Variants in SLC36A4 observed in about 807,000 individuals in gnomAD.
SLC36A4 encodes solute carrier family 36 member 4, also known as neutral amino acid uniporter 4.
Under a neutral mutation model 50.5 loss-of-function variants are expected in SLC36A4, and 49 were observed. That is an observed-to-expected ratio of 0.97 (90% CI 0.77 to 1.23). The LOEUF is 1.23. Among genes scored for constraint, SLC36A4 ranks in the 50% most tolerant of loss-of-function variants. SLC36A4 has a pLI of 0.00. For missense variants in SLC36A4, 611 were observed against 608.4 expected (o/e 1.00, Z -0.05); for synonymous variants, 207 against 206.5 (o/e 1.00, Z -0.02).
In SLC36A4 at chr11:93,172,056, T is replaced by A. The variant is rs183158334; in HGVS notation, c.541-3885A>T. The A allele has an allele frequency of 1.1e-4, 16 of 152,178 alleles. No homozygotes were observed. In the East Asian group the frequency reaches 3.1e-3, roughly 29 times the overall value. 9.4% of individuals were successfully genotyped at this position (152,178 alleles called of 1,614,324 possible). ...ACACCTGTGTCTGATGGTTTACAGA[T>A]TTTTCTGCCAGAAAATGTGTATAAG... On this transcript the variant is annotated intron_variant, in intron 6 of 10. Transcript: ENST00000326402.
At chr11:93,154,497 A>C in intron 9 of SLC36A4, 1 of 257,172 alleles carries the variant, frequency 3.9e-6, no homozygotes, top group Non-Finnish European at 7.2e-6. Context: ...AAGCTTGAAC[A>C]TGCATGCCAG....
chr11:93,177,122 T>C (rs1268425658), intron 6 of SLC36A4, among the ~76,000 whole-genome samples: 1 of 152,222 alleles, frequency 6.6e-6, no homozygotes, highest in African/African-American at 2.4e-5. Flanking sequence ...TTTCACATAG[T>C]TCCATATTTC....
intron 9 of SLC36A4, chr11:93,160,585 C>G: frequency 8.1e-6 from 8 of 985,374 alleles, no homozygotes; most frequent in Non-Finnish European, 8.4e-6. Flanking sequence ...TTGTGAATAC[C>G]AAAAGCATTC....
intron 1 of SLC36A4, among the ~76,000 whole-genome samples, chr11:93,192,827 A>T (rs1235043911): frequency 6.6e-6 from 1 of 152,110 alleles, no homozygotes; most frequent in Non-Finnish European, 1.5e-5. Context: ...ATATCATCTG[A>T]TTTACATTTT....
At chr11:93,184,567 A>C in intron 2 of SLC36A4, 47 bp from the exon 3 acceptor site, 1 of 1,112,434 alleles carries the variant, frequency 9.0e-7, no homozygotes, top group Non-Finnish European at 1.4e-6. Flanking sequence ...AACAAAATCT[A>C]TTATAACATG....
At chr11:93,185,949 T>A in intron 1 of SLC36A4, 135 bp from the exon 2 acceptor site, 1 of 665,494 alleles carries the variant, frequency 1.5e-6, no homozygotes, top group Non-Finnish European at 2.3e-6. Context: ...TAGTTCATAC[T>A]AATACCCTGA....
At chr11:93,148,916 T>G (rs1859953189) in intron 10 of SLC36A4, 72 bp from the exon 11 acceptor site, 1 of 1,274,766 alleles carries the variant, frequency 7.8e-7, no homozygotes, top group South Asian at 1.3e-5. Flanking sequence ...ACAGTAAGTA[T>G]TTTCAATACT....
At chr11:93,177,069 C>T in intron 6 of SLC36A4, among the ~76,000 whole-genome samples, 1 of 152,160 alleles carries the variant, frequency 6.6e-6, no homozygotes, top group East Asian at 1.9e-4. Flanking sequence ...CTCCATTCTC[C>T]CCAACACTTT....
At chr11:93,193,872 G>GCTAGT (rs536505155) in intron 1 of SLC36A4, among the ~76,000 whole-genome samples, 1 of 152,234 alleles carries the variant, frequency 6.6e-6, no homozygotes, top group South Asian at 2.1e-4. Flanking sequence ...ATGCAGAAGA[G>GCTAGT]GATTTTGCAC....
chr11:93,184,502 C>T lies in SLC36A4; in HGVS notation c.198G>A (p.Met66Ile), dbSNP rs1157703042. 2 of 1,606,212 alleles carry T rather than the reference C, an allele frequency of 1.2e-6. No homozygotes were observed. Among genetic ancestry groups the T allele is most frequent in the South Asian group, 1.1e-5 (1 of 90,600 alleles). Residue 66 changes from methionine (M) to isoleucine (I), a missense_variant, in exon 3 of 11, where the codon ATG (methionine) becomes ATA (isoleucine). Transcript: ENST00000326402. Reference protein sequence around the residue: ...QEGISFVQTLMHLLKGNIGTG... With the variant: ...QEGISFVQTLIHLLKGNIGTG... ...TTCCAATATTTCCTTTAAGAAGGTG[C>T]ATAAGAGTTTGTACAAATCTGAAAA...
At chr11:93,177,751 G>C (rs1415473417) in intron 6 of SLC36A4, among the ~76,000 whole-genome samples, 1 of 152,096 alleles carries the variant, frequency 6.6e-6, no homozygotes, top group East Asian at 1.9e-4. Context: ...CTCAGAGGGG[G>C]ACCCGGCTGT....
chr11:93,161,770 G>T (rs187681256), intron 9 of SLC36A4, among the ~76,000 whole-genome samples: 1 of 152,124 alleles, frequency 6.6e-6, no homozygotes, highest in South Asian at 2.1e-4. Context: ...TATTCTTTGC[G>T]TATGTGAAAA....
rs141155579 is a variant in SLC36A4, at chr11:93,197,634, T to C, written c.55+144A>G. ...CTCGGGGTCAGATAACCGGTTCCTT[T>C]GCGGATGCTGACCACGGGGTCAGTT... On this transcript the variant is annotated intron_variant, in intron 1 of 10. Coordinates refer to ENST00000326402, the MANE Select transcript of SLC36A4 (RefSeq NM_152313.4). 8.0e-4 allele frequency: 702 copies of C among 878,668 alleles called. 12 individuals carry two copies. The East Asian group carries it at 0.02, about 25-fold the overall frequency. The allele number at this position is 878,668 out of a possible 1,614,324, so 54.4% of individuals were successfully genotyped here. A position where few individuals can be genotyped will look rare whatever the true frequency, so the allele number is the denominator to read the frequency against.
At position 93,182,839 on chromosome 11, in the gene SLC36A4, ATGTGCATACAG is replaced by A; in HGVS notation, c.315_325del (p.Cys106IlefsTer13). ...TAGAAAGTGACTGCAACGTACCAATATGTGCATACAGTGAACAGAAATAATTCCTATAAACA... is the reference window on the plus strand; with the variant it reads ...TAGAAAGTGACTGCAACGTACCAATATGAACAGAAATAATTCCTATAAACA... On this transcript the variant is annotated frameshift_variant, in exon 4 of 11. Transcript: ENST00000326402. LOFTEE classifies it high-confidence loss of function. 6.2e-7 allele frequency: 1 copy of A among 1,612,888 alleles called. No individual in the cohort carries two copies.
chr11:93,185,608 A>G (rs1050056417), intron 2 of SLC36A4, 83 bp downstream of exon 2: 6 of 1,281,802 alleles, frequency 4.7e-6, no homozygotes, highest in Non-Finnish European at 6.4e-6. Context: ...TTGTAATGTA[A>G]TAGAATGTCT....
intron 6 of SLC36A4, chr11:93,172,052 C>T (rs1861165842): frequency 1.3e-5 from 2 of 152,006 alleles, no homozygotes; most frequent in South Asian, 4.1e-4. Flanking sequence ...TGATGGTTTA[C>T]AGATTTTTCT....
chr11:93,152,781 G>A (rs959375513), intron 10 of SLC36A4: 4 of 151,992 alleles, frequency 2.6e-5, no homozygotes, highest in Admixed American at 6.6e-5. Context: ...TTTAAAAGAC[G>A]ATATACTTTC....
intron 8 of SLC36A4, among the ~76,000 whole-genome samples, chr11:93,164,536 T>TCC (rs1860777402): frequency 4.6e-5 from 7 of 152,210 alleles, no homozygotes; most frequent in Admixed American, 3.9e-4. Flanking sequence ...TAGTATTTTT[T>TCC]CCACTTTTCA....
intron 6 of SLC36A4, among the ~76,000 whole-genome samples, chr11:93,179,352 G>A (rs1375484513): frequency 6.6e-6 from 1 of 152,118 alleles, no homozygotes; most frequent in Non-Finnish European, 1.5e-5. Context: ...CCTTCATAAG[G>A]CTTGCTGTCT....
Sources: gnomAD v4.1 joint callset for allele counts (sites outside exome capture counted in the v4.1 genomes callset) on GRCh38, gnomAD v4.1.1 for gene constraint, MANE v1.5 for transcripts, NCBI Gene and HGNC (gene_info 2026-07-23, HGNC 2026-07-21) for gene names.